SPTLC2: variants seen among roughly 807,000 people sequenced by gnomAD.
SPTLC2 encodes the protein serine palmitoyltransferase long chain base subunit 2.
A neutral mutation model predicts 62.0 loss-of-function variants in SPTLC2; 21 were observed. The observed-to-expected ratio is 0.34, with a 90% confidence interval of 0.24 to 0.49. The LOEUF is 0.49. Among genes scored for constraint, SPTLC2 ranks in the 20% least tolerant of loss-of-function variants. The probability of loss-of-function intolerance (pLI) is 0.99; values close to 1 mark genes in which losing one functional copy is unlikely to be tolerated. For synonymous variants in SPTLC2, 261 were observed against 261.8 expected (o/e 1.00, Z 0.03); for missense variants, 511 against 713.0 (o/e 0.72, Z 3.23).
intron 2 of SPTLC2, among the ~76,000 whole-genome samples, chr14:77,579,776 G>C (rs2079737669): frequency 6.6e-6 from 1 of 152,044 alleles, no homozygotes; most frequent in South Asian, 2.1e-4. Flanking sequence ...AAAACATCTG[G>C]AAAGGCATCA....
chr14:77,555,371 C>T lies in SPTLC2; in HGVS notation c.1105G>A (p.Asp369Asn). 1.9e-6 allele frequency: 3 copies of T among 1,614,140 alleles called. No homozygotes were observed. The highest frequency in any genetic ancestry group is 2.5e-6 in the Non-Finnish European group (3 of 1,180,038). ...AACGTTCCCATCATAACATCCACAT[C>T]CTCGGGATCCAGGCCAAAGTACTCC... ...VVEYFGLDPE[D>N]VDVMMGTFTK... Residue 369 changes from aspartate to asparagine, a missense_variant, in exon 8 of 12, where the codon GAT becomes AAT. Coordinates refer to ENST00000216484, the MANE Select transcript of SPTLC2 (RefSeq NM_004863.4).
rs1472967428 is a variant in SPTLC2 at position 77,511,236 on chromosome 14, G to A, written c.*1048C>T. 6.6e-6 allele frequency: 1 copy of A among 152,196 alleles called. No homozygotes were observed. Among genetic ancestry groups the A allele is most frequent in the Non-Finnish European group, 1.5e-5 (1 of 68,040 alleles). The allele number at this position is 152,196 out of a possible 1,614,324, so 9.4% of individuals were successfully genotyped here. A position where few individuals can be genotyped will look rare whatever the true frequency, so the allele number is the denominator to read the frequency against. On this transcript the variant is annotated 3_prime_UTR_variant, in exon 12 of 12. Transcript: ENST00000216484. ...AAACCTAATCCTTAAATAGGAACAT[G>A]ATAAATGCTTTCTGAGCAGAGGATT... is the stretch of plus-strand genomic sequence containing the variant.
At chr14:77,586,452 G>A (rs1203346006) in intron 2 of SPTLC2, among the ~76,000 whole-genome samples, 1 of 152,024 alleles carries the variant, frequency 6.6e-6, no homozygotes, top group Non-Finnish European at 1.5e-5. Flanking sequence ...CGTACCAATT[G>A]GAAACAGATA....
chr14:77,529,246 A>ACTT lies in SPTLC2; in HGVS notation c.1304-7668_1304-7666dup, dbSNP rs752632394. 1.6e-3 allele frequency among the ~76,000 whole-genome samples: 201 copies of ACTT among 121,892 alleles called. 5 individuals are homozygous for ACTT. Among genetic ancestry groups the ACTT allele is most frequent in the Non-Finnish European group, 2.2e-3 (128 of 57,498 alleles). 80.0% of individuals were successfully genotyped at this position (121,892 alleles called of 152,430 possible). ...ATTCCTGTGAAGTTTCTCTTTGAAAACTTCTTCTTTTTTTTTTTTTTTTTT... is the reference window on the plus strand; with the variant it reads ...ATTCCTGTGAAGTTTCTCTTTGAAAACTTCTTCTTCTTTTTTTTTTTTTTTTTT... On this transcript the variant is annotated intron_variant, in intron 9 of 11. Coordinates refer to ENST00000216484, the MANE Select transcript of SPTLC2 (RefSeq NM_004863.4).
rs2140022140 is a variant in SPTLC2, at chr14:77,557,155, C to A, written c.851-9G>T. On this transcript the variant is annotated splice_polypyrimidine_tract_variant and intron_variant, in intron 6 of 11. Transcript: ENST00000216484. ...CTCTAGGCTTTGCATATCTACAGAG[C>A]ACAAAAAAGAACAGTTATACCGCAT... The A allele has an allele frequency of 6.2e-7, 1 of 1,608,182 alleles. No homozygotes were observed. The highest frequency in any genetic ancestry group is 1.7e-4 in the Middle Eastern group (1 of 6,050).
At chr14:77,535,950 G>T (rs1266882482) in intron 9 of SPTLC2, 1 of 455,482 alleles carries the variant, frequency 2.2e-6, no homozygotes, top group South Asian at 1.6e-5. Context: ...ATAAAGGAGA[G>T]AAACGATGAT....
intron 2 of SPTLC2, among the ~76,000 whole-genome samples, chr14:77,590,703 C>T (rs2079811076): frequency 6.6e-6 from 1 of 152,236 alleles, no homozygotes; most frequent in South Asian, 2.1e-4. Context: ...CAGAGCAAGA[C>T]ACTGTCTCAA....
At chr14:77,598,401 A>G (rs1223996658) in intron 1 of SPTLC2, among the ~76,000 whole-genome samples, 1 of 152,198 alleles carries the variant, frequency 6.6e-6, no homozygotes, top group Non-Finnish European at 1.5e-5. Context: ...AGCCTGTCCC[A>G]AAAAAGTACT....
chr14:77,612,269 T>G (rs908314240), intron 1 of SPTLC2, among the ~76,000 whole-genome samples: 6 of 152,212 alleles, frequency 3.9e-5, no homozygotes, highest in African/African-American at 1.4e-4. Flanking sequence ...CTCAAAGCGG[T>G]GCAAATTTCT....
At chr14:77,615,724 GTA>G (rs1364747085) in intron 1 of SPTLC2, among the ~76,000 whole-genome samples, 3 of 152,224 alleles carry the variant, frequency 2.0e-5, no homozygotes, top group Non-Finnish European at 4.4e-5. Flanking sequence ...TGGTTAATTA[GTA>G]TAGAGTCATC....
chr14:77,533,638 G>A (rs1334298919), intron 9 of SPTLC2, among the ~76,000 whole-genome samples: 6 of 152,212 alleles, frequency 3.9e-5, no homozygotes, highest in African/African-American at 9.7e-5. Context: ...TTCTTTACGT[G>A]TGCAAGCACG....
intron 9 of SPTLC2, among the ~76,000 whole-genome samples, chr14:77,540,501 G>A (rs966596049): frequency 1.3e-5 from 2 of 152,054 alleles, no homozygotes; most frequent in African/African-American, 2.4e-5. Context: ...TTGAGACGGA[G>A]TCTTGCTCAG....
chr14:77,579,747 A>G (rs192121123), intron 2 of SPTLC2, among the ~76,000 whole-genome samples: 204 of 152,280 alleles, frequency 1.3e-3, no homozygotes, highest in South Asian at 2.9e-3. Context: ...AACAACAAAA[A>G]AAACCCTGAT....
intron 9 of SPTLC2, among the ~76,000 whole-genome samples, chr14:77,531,481 C>CCTCCTCCTCCTCCTCCTCCT (rs1566770789): frequency 2.2e-5 from 2 of 90,238 alleles, no homozygotes; most frequent in African/African-American, 1.0e-4. Flanking sequence ...CTCCCCCTCC[C>CCTCCTCCTCCTCCTCCTCCT]CCTCCTCCTC....
At chr14:77,519,489 G>A (rs945214209) in intron 10 of SPTLC2, among the ~76,000 whole-genome samples, 1 of 152,046 alleles carries the variant, frequency 6.6e-6, no homozygotes, top group Admixed American at 6.5e-5. Flanking sequence ...GGCCGAGGCG[G>A]GCAGATCACC....
At chr14:77,513,866 G>A (rs868385568) in intron 11 of SPTLC2, among the ~76,000 whole-genome samples, 3 of 143,422 alleles carry the variant, frequency 2.1e-5, no homozygotes, top group South Asian at 2.2e-4. Flanking sequence ...TTGCCCTCCA[G>A]CCTGGGCAAC....
chr14:77,557,135 G>A lies in SPTLC2; in HGVS notation c.862C>T (p.Leu288=). Residue 288 remains leucine (L), a synonymous_variant, in exon 7 of 12, where the codon CTA becomes TTA. Transcript: ENST00000216484. Reference sequence around the variant, plus strand: ...ATGGCATCTTTCAATAGCTTCTCTAGGCTTTGCATATCTACAGAGCACAAA... The same window carrying A: ...ATGGCATCTTTCAATAGCTTCTCTAAGCTTTGCATATCTACAGAGCACAAA... ...RIFKHNNMQS[L]EKLLKDAIVY... 1 of 1,613,342 alleles carries A rather than the reference G, an allele frequency of 6.2e-7. No individual in the cohort carries two copies. Among genetic ancestry groups the A allele is most frequent in the Middle Eastern group, 1.6e-4 (1 of 6,062 alleles).
At chr14:77,608,604 G>A (rs1236241920) in intron 1 of SPTLC2, among the ~76,000 whole-genome samples, 2 of 152,118 alleles carry the variant, frequency 1.3e-5, no homozygotes, top group East Asian at 1.9e-4. Flanking sequence ...TAAGCAAATA[G>A]ATATACTGTA....
At position 77,510,013 on chromosome 14, in the gene SPTLC2, A is replaced by C; in HGVS notation, c.*2271T>G. 2.5e-6 allele frequency: 1 copy of C among 398,284 alleles called. No individual in the cohort carries two copies. The highest frequency in any genetic ancestry group is 4.4e-6 in the Non-Finnish European group (1 of 225,872). 24.7% of individuals were successfully genotyped at this position (398,284 alleles called of 1,614,324 possible). ...TGTGACTTTTACAAACCCTACGTTT[A>C]CATTAGTAAATAGTAACTGCAGTGC... On this transcript the variant is annotated 3_prime_UTR_variant, in exon 12 of 12. Transcript: ENST00000216484.
Sources: gnomAD v4.1 joint callset for allele counts (sites outside exome capture counted in the v4.1 genomes callset) on GRCh38, gnomAD v4.1.1 for gene constraint, MANE v1.5 for transcripts, NCBI Gene and HGNC (gene_info 2026-07-23, HGNC 2026-07-21) for gene names.